The following HECTD4 variants were observed in gnomAD, a reference collection of about 807,000 sequenced individuals.
HECTD4 encodes probable E3 ubiquitin-protein ligase HECTD4.
A neutral mutation model predicts 471.5 loss-of-function variants in HECTD4; 114 were observed. The observed-to-expected ratio is 0.24, with a 90% CI of 0.21 to 0.28. HECTD4 has a LOEUF of 0.28. Ranked by LOEUF, HECTD4 falls within the 10% of genes least tolerant of loss-of-function variation. The probability of loss-of-function intolerance (pLI) is 1.00; values close to 1 mark genes in which losing one functional copy is unlikely to be tolerated. For missense variants in HECTD4, 3,866 were observed against 5,651.5 expected, an observed-to-expected ratio of 0.68 and a Z score of 10.13; for synonymous variants, 2,012 against 2,256.0, an observed-to-expected ratio of 0.89 and a Z score of 3.07.
intron 1 of HECTD4, among the ~76,000 whole-genome samples, chr12:112,330,368 G>A (rs965478726): frequency 6.6e-6 from 1 of 151,920 alleles, no homozygotes; most frequent in Non-Finnish European, 1.5e-5. Context: ...TTTAGAGAAA[G>A]AAGATATTTC....
At chr12:112,253,995 G>T (rs1195031537) in intron 22 of HECTD4, 48 bp downstream of exon 22, 2 of 1,603,128 alleles carry the variant, frequency 1.2e-6, no homozygotes, top group South Asian at 2.2e-5. Flanking sequence ...TGTGAGGACT[G>T]CAAGTTCATT....
At chr12:112,280,655 A>G (rs1430569797) in intron 8 of HECTD4, among the ~76,000 whole-genome samples, 2 of 152,284 alleles carry the variant, frequency 1.3e-5, no homozygotes, top group Admixed American at 6.5e-5. Flanking sequence ...TTCCACTGGT[A>G]AGAAACCTAA....
intron 29 of HECTD4, among the ~76,000 whole-genome samples, chr12:112,246,359 C>T (rs1032378228): frequency 2.6e-5 from 4 of 152,150 alleles, no homozygotes; most frequent in South Asian, 2.1e-4. Context: ...CAAAAACGGG[C>T]GCAGTGGCTC....
At position 112,193,656 on chromosome 12, in the gene HECTD4, C is replaced by G; in HGVS notation, c.8768G>C (p.Ser2923Thr). ...PPLPDGTISS[S>T]SILLAQSLQH... ...TAAAGACTGCGCCAGGAGGATCGAG[C>G]TGGAGCTGATGGTGCCGTCTGGGGA... The change falls in exon 57 of 76, where the codon AGC (serine) becomes ACC (threonine). Residue 2923 changes from serine (S) to threonine (T), a missense_variant. Ser to Thr is a moderately conservative substitution (Grantham distance 58). Transcript: ENST00000682272. This position sits in a 1 kb window ranked among gnomAD's most constrained non-coding sequence, Gnocchi z 5.2. The G allele has an allele frequency of 6.2e-7, 1 of 1,612,318 alleles. No individual in the cohort carries two copies. The highest frequency in any genetic ancestry group is 8.5e-7 in the Non-Finnish European group (1 of 1,179,218).
intron 9 of HECTD4, among the ~76,000 whole-genome samples, chr12:112,275,347 C>T (rs911236125): frequency 1.3e-5 from 2 of 152,256 alleles, no homozygotes; most frequent in African/African-American, 4.8e-5. Flanking sequence ...GGTGTATACT[C>T]AAACACAGCT....
At chr12:112,257,675 T>A (rs894782844) in intron 20 of HECTD4, among the ~76,000 whole-genome samples, 39 of 152,216 alleles carry the variant, frequency 2.6e-4, no homozygotes, top group Admixed American at 1.6e-3. Context: ...AGTTCATTCC[T>A]TTTTATTGCT....
rs373816096 is a variant in HECTD4 at position 112,167,863 on chromosome 12, G to A, written c.12263C>T (p.Ser4088Leu). The change falls in exon 71 of 76, where the codon TCG becomes TTG. Residue 4088 changes from serine to leucine, a missense_variant. By Grantham distance (145) the Ser-to-Leu change is moderately radical. Coordinates refer to ENST00000682272, the MANE Select transcript of HECTD4 (RefSeq NM_001388303.1). Reference sequence around the variant, plus strand: ...GGGGCACAGCAGCAGCAGCGACAGCGAGGAACTCTGCAGCTCCTTACACAC... The same window carrying A: ...GGGGCACAGCAGCAGCAGCGACAGCAAGGAACTCTGCAGCTCCTTACACAC... ...WQVCKELQSS[S>L]LSLLLLCPSS... 5.7e-5 allele frequency: 92 copies of A among 1,613,494 alleles called. No homozygotes were observed. The highest frequency in any genetic ancestry group is 6.8e-5 in the Non-Finnish European group (80 of 1,179,884).
chr12:112,336,174 C>T (rs1213897131), intron 1 of HECTD4, among the ~76,000 whole-genome samples: 1 of 152,156 alleles, frequency 6.6e-6, no homozygotes, highest in Non-Finnish European at 1.5e-5. Context: ...AACCAATTTT[C>T]TTCGACAAAT....
rs1271083454 is a variant in HECTD4, at chr12:112,231,721, G to A, written c.5998-6C>T. On this transcript the variant is annotated splice_region_variant and splice_polypyrimidine_tract_variant and intron_variant, in intron 38 of 75. Coordinates refer to ENST00000682272, the MANE Select transcript of HECTD4 (RefSeq NM_001388303.1). ...ATCACTTCGCAACAGCCACCCTGGG[G>A]TGAGGTTGAAGACGCTGAGAAGATT... 1.2e-6 allele frequency: 2 copies of A among 1,608,224 alleles called. No homozygotes were observed. Among genetic ancestry groups the A allele is most frequent in the Non-Finnish European group, 1.7e-6 (2 of 1,178,372 alleles).
intron 1 of HECTD4, among the ~76,000 whole-genome samples, chr12:112,335,809 A>G (rs936829753): frequency 2.6e-5 from 4 of 152,182 alleles, no homozygotes; most frequent in African/African-American, 9.7e-5. Flanking sequence ...TTCCCCAATA[A>G]CCTATGGAAA....
Position 112,230,841 on chromosome 12 carries a change from A to G in HECTD4, c.6201-19T>C, listed in dbSNP as rs745840083. Reference sequence around the variant, plus strand: ...ATCAGTCCTGCAAGTGTCAACAGGAAAAAGTGTCAGTGCCCAGTGATGGTT... The same window carrying G: ...ATCAGTCCTGCAAGTGTCAACAGGAGAAAGTGTCAGTGCCCAGTGATGGTT... On this transcript the variant is annotated intron_variant, in intron 39 of 75. Transcript: ENST00000682272. 1 of 1,603,878 alleles carries G rather than the reference A, an allele frequency of 6.2e-7. No homozygotes were observed.
intron 48 of HECTD4, 38 bp from the exon 49 acceptor site, chr12:112,212,688 C>T (rs1008304498): frequency 5.2e-6 from 8 of 1,548,008 alleles, no homozygotes; most frequent in Non-Finnish European, 7.0e-6. Flanking sequence ...TATTTTCTCC[C>T]TTTTATTAAG....
At chr12:112,246,112 AC>A (rs1210613103) in intron 29 of HECTD4, among the ~76,000 whole-genome samples, 2 of 152,106 alleles carry the variant, frequency 1.3e-5, no homozygotes, top group Non-Finnish European at 2.9e-5. Flanking sequence ...AGCCTGGACA[AC>A]AGAATGAGAC....
At chr12:112,288,894 T>A (rs1028080079) in intron 7 of HECTD4, among the ~76,000 whole-genome samples, 1 of 152,210 alleles carries the variant, frequency 6.6e-6, no homozygotes, top group Non-Finnish European at 1.5e-5. Flanking sequence ...CATCAACCTA[T>A]ACATCATTGT....
intron 49 of HECTD4, 70 bp downstream of exon 49, chr12:112,212,417 A>G: frequency 7.5e-7 from 1 of 1,328,068 alleles, no homozygotes; most frequent in South Asian, 1.3e-5. Flanking sequence ...GCTCCCTTTC[A>G]TTTTTCCATG....
chr12:112,251,201 C>T, intron 23 of HECTD4, 67 bp from the exon 24 acceptor site: 1 of 1,486,820 alleles, frequency 6.7e-7, no homozygotes, highest in South Asian at 1.2e-5. Context: ...ACCTGTGCTG[C>T]CCCACACTGC....
At chr12:112,197,675 T>C (rs2032287226) in intron 55 of HECTD4, among the ~76,000 whole-genome samples, 1 of 152,240 alleles carries the variant, frequency 6.6e-6, no homozygotes, top group Non-Finnish European at 1.5e-5. Context: ...TGTAAGTTGA[T>C]TGTAACTCTA....
At chr12:112,189,323 C>T (rs1170387067) in intron 60 of HECTD4, among the ~76,000 whole-genome samples, 5 of 151,842 alleles carry the variant, frequency 3.3e-5, no homozygotes, top group Non-Finnish European at 5.9e-5. Flanking sequence ...GAGGCCGAGG[C>T]GGGTGGATCA....
chr12:112,216,844 A>G lies in HECTD4; in HGVS notation c.7314T>C (p.Phe2438=). Residue 2438 remains phenylalanine (F), a synonymous_variant, in exon 47 of 76, where the codon TTT becomes TTC. Transcript: ENST00000682272. ...TDDDTGPIVS[F]GFTTEAEKRD... ...GCTTCTCTGCTTCTGTAGTGAAGCC[A>G]AAGGAAACTATGGGTCCGGTGTCAT... is the stretch of plus-strand genomic sequence containing the variant. 1 of 1,614,048 alleles carries G rather than the reference A, an allele frequency of 6.2e-7. No individual in the cohort carries two copies. The highest frequency in any genetic ancestry group is 8.5e-7 in the Non-Finnish European group (1 of 1,179,898).
Sources: allele counts gnomAD v4.1 joint callset (sites outside exome capture counted in the v4.1 genomes callset), GRCh38; gene constraint gnomAD v4.1.1; non-coding constraint Gnocchi (gnomAD v3.1); transcripts MANE v1.5; gene names NCBI Gene and HGNC (gene_info 2026-07-23, HGNC 2026-07-21).